MTUS1: variants seen among roughly 807,000 people sequenced by gnomAD.
The protein encoded by MTUS1 is microtubule associated scaffold protein 1.
In MTUS1, 109 loss-of-function variants were observed where a neutral mutation model predicts 120.8. The observed-to-expected ratio is 0.90, with a 90% CI of 0.77 to 1.06. MTUS1 has a LOEUF of 1.06. MTUS1 is among the 50% of genes least tolerant of loss of function. MTUS1 has a pLI of 0.00. For synonymous variants in MTUS1, 737 were observed against 550.5 expected, an observed-to-expected ratio of 1.34 and a Z score of -4.74; for missense variants, 2,210 against 1,486.3, an observed-to-expected ratio of 1.49 and a Z score of -8.01.
chr8:17,672,646 A>G (rs1428007671), intron 8 of MTUS1, among the ~76,000 whole-genome samples: 1 of 152,142 alleles, frequency 6.6e-6, no homozygotes, highest in East Asian at 1.9e-4. Context: ...CCCTTCTCCA[A>G]ACGGAGAACG....
intron 1 of MTUS1, among the ~76,000 whole-genome samples, chr8:17,765,973 C>G (rs1355170901): frequency 6.6e-6 from 1 of 152,054 alleles, no homozygotes; most frequent in Non-Finnish European, 1.5e-5. Flanking sequence ...ATATCATTTA[C>G]TATATGAAAT....
intron 6 of MTUS1, chr8:17,706,204 C>T (rs1820125402): frequency 6.6e-6 from 1 of 152,070 alleles, no homozygotes; most frequent in African/African-American, 2.4e-5. Context: ...TAGCAGCTGA[C>T]TTAACTATTA....
intron 4 of MTUS1, among the ~76,000 whole-genome samples, chr8:17,717,003 A>C (rs946172553): frequency 6.6e-6 from 1 of 152,218 alleles, no homozygotes; most frequent in Non-Finnish European, 1.5e-5. Flanking sequence ...CCTTGTTTAC[A>C]AATGCATTAT....
rs1488348434 is a variant in MTUS1 at position 17,677,822 on chromosome 8, C to G, written c.2839-2570G>C. ...CTTCCCTTGTAATGTGACACCATTC[C>G]CCTCCTCCAAATGCATAGACCATTT... On this transcript the variant is annotated intron_variant, in intron 7 of 14. Coordinates refer to ENST00000693296, the MANE Select transcript of MTUS1 (RefSeq NM_001363059.2). Among the ~76,000 whole-genome samples the G allele has an allele frequency of 3.9e-5, 6 of 152,250 alleles. No individual in the cohort carries two copies. The East Asian group carries it at 5.8e-4, about 15-fold the overall frequency.
intron 3 of MTUS1, among the ~76,000 whole-genome samples, chr8:17,725,498 C>G (rs2046167523): frequency 6.6e-6 from 1 of 152,180 alleles, no homozygotes; most frequent in Non-Finnish European, 1.5e-5. Context: ...TATTAATATT[C>G]CAACAGGCAC....
chr8:17,664,970 T>C (rs892252927), intron 8 of MTUS1, among the ~76,000 whole-genome samples: 1 of 152,208 alleles, frequency 6.6e-6, no homozygotes, highest in Non-Finnish European at 1.5e-5. Flanking sequence ...TCCAGTTTCC[T>C]GGGCCTCCGT....
chr8:17,662,202 T>C (rs1407759747), intron 8 of MTUS1, among the ~76,000 whole-genome samples: 6 of 152,120 alleles, frequency 3.9e-5, no homozygotes, highest in Admixed American at 3.9e-4. Context: ...TCTCCAGAAT[T>C]CCACTCACTT....
chr8:17,799,409 A>G (rs2052504251), intron 1 of MTUS1, among the ~76,000 whole-genome samples: 1 of 152,156 alleles, frequency 6.6e-6, no homozygotes, highest in South Asian at 2.1e-4. Context: ...CTATATAACT[A>G]TAAAAAATTT....
At chr8:17,653,882 A>G (rs963392757) in intron 10 of MTUS1, 1 of 164,996 alleles carries the variant, frequency 6.1e-6, no homozygotes, top group African/African-American at 2.4e-5. Context: ...CTAAAATTAT[A>G]CTCATTTCTA....
At chr8:17,787,174 A>G (rs2051372634) in intron 1 of MTUS1, among the ~76,000 whole-genome samples, 1 of 152,210 alleles carries the variant, frequency 6.6e-6, no homozygotes, top group African/African-American at 2.4e-5. Flanking sequence ...GCTCCACGCC[A>G]GGCCAGCACA....
rs558720953 is a variant in MTUS1, at chr8:17,721,938, G to A, written c.2449+1734C>T. On this transcript the variant is annotated intron_variant, in intron 4 of 14. Coordinates refer to ENST00000693296, the MANE Select transcript of MTUS1 (RefSeq NM_001363059.2). ...AAAGCAAGCTTAAGCAGGAAAAACT[G>A]CAGCCATGTTCACTCTCATATCCCT... 8.8e-6 allele frequency: 14 copies of A among 1,588,276 alleles called. 1 individual carries two copies. The highest frequency in any genetic ancestry group is 8.0e-5 in the South Asian group (7 of 86,968).
intron 2 of MTUS1, among the ~76,000 whole-genome samples, chr8:17,749,836 G>C (rs78870898): frequency 6.6e-6 from 1 of 151,982 alleles, no homozygotes; most frequent in Non-Finnish European, 1.5e-5. Flanking sequence ...GCTGTACCTC[G>C]ATCACCTTAG....
chr8:17,753,520 T>A lies in MTUS1; in HGVS notation c.2091+197A>T, dbSNP rs181460883. On this transcript the variant is annotated intron_variant, in intron 2 of 14. Transcript: ENST00000693296. ...TACAAAATACTGAAATTGAGGATTTTTTTTTCCATATGCAGTTTTGTTGTA... is the reference window on the plus strand; with the variant it reads ...TACAAAATACTGAAATTGAGGATTTATTTTTCCATATGCAGTTTTGTTGTA... Among the ~76,000 whole-genome samples, 759 of 152,328 alleles carry A rather than the reference T, an allele frequency of 5.0e-3. 9 individuals carry two copies. Among genetic ancestry groups the A allele is most frequent in the African/African-American group, 0.018 (736 of 41,574 alleles).
chr8:17,688,939 C>T (rs557842614), intron 6 of MTUS1, among the ~76,000 whole-genome samples: 62 of 152,150 alleles, frequency 4.1e-4, no homozygotes, highest in Non-Finnish European at 7.6e-4. Flanking sequence ...AGGCCGGGTG[C>T]GGTGGCTCAC....
chr8:17,722,286 G>A, intron 4 of MTUS1: 1 of 981,612 alleles, frequency 1.0e-6, no homozygotes, highest in Non-Finnish European at 1.2e-6. Flanking sequence ...TACAGACTGT[G>A]TCTGCTTCAA....
intron 6 of MTUS1, among the ~76,000 whole-genome samples, chr8:17,712,664 A>T (rs573313517): frequency 3.2e-4 from 48 of 152,236 alleles, no homozygotes; most frequent in African/African-American, 1.1e-3. Flanking sequence ...CTGTCTGTCC[A>T]TCCATCCATC....
chr8:17,713,267 A>G lies in MTUS1; in HGVS notation c.2585-15T>C. ...TCTCGAAGGACCTAAGATATAAAAG[A>G]AACATGTAAAATACATATGTTTTAT... On this transcript the variant is annotated splice_polypyrimidine_tract_variant and intron_variant, in intron 5 of 14. Coordinates refer to ENST00000693296, the MANE Select transcript of MTUS1 (RefSeq NM_001363059.2). The G allele has an allele frequency of 6.9e-7, 1 of 1,441,482 alleles. No homozygotes were observed. The highest frequency in any genetic ancestry group is 9.7e-7 in the Non-Finnish European group (1 of 1,027,452). 89.3% of individuals were successfully genotyped at this position (1,441,482 alleles called of 1,614,324 possible). A position where few individuals can be genotyped will look rare whatever the true frequency, so the allele number is the denominator to read the frequency against.
intron 1 of MTUS1, among the ~76,000 whole-genome samples, chr8:17,760,798 G>A (rs1400394842): frequency 7.6e-6 from 1 of 132,162 alleles, no homozygotes; most frequent in Admixed American, 7.8e-5. Context: ...CAGAGAGTGT[G>A]CTGGAGGGAA....
intron 7 of MTUS1, among the ~76,000 whole-genome samples, chr8:17,678,485 C>T (rs1271205475): frequency 1.3e-5 from 2 of 152,094 alleles, no homozygotes; most frequent in African/African-American, 4.8e-5. Flanking sequence ...CCCTGGGACA[C>T]AGGCACTTAG....
Sources: allele counts gnomAD v4.1 joint callset (sites outside exome capture counted in the v4.1 genomes callset), GRCh38; gene constraint gnomAD v4.1.1; transcripts MANE v1.5; gene names NCBI Gene and HGNC (gene_info 2026-07-23, HGNC 2026-07-21).